HSD11B1: variants seen among roughly 807,000 people sequenced by gnomAD.
HSD11B1 encodes 11-beta-hydroxysteroid dehydrogenase 1.
HSD11B1 carries 15 observed loss-of-function variants against 22.1 expected under a neutral mutation model. That is an observed-to-expected ratio of 0.68 (90% CI 0.45 to 1.04). The LOEUF is 1.04. HSD11B1 is among the 50% of genes least tolerant of loss of function. The probability of loss-of-function intolerance (pLI) is 0.00; values close to 1 mark genes in which losing one functional copy is unlikely to be tolerated. For synonymous variants in HSD11B1, 122 were observed against 125.2 expected, an observed-to-expected ratio of 0.97 and a Z score of 0.17; for missense variants, 281 against 357.6, an observed-to-expected ratio of 0.79 and a Z score of 1.73.
At chr1:209,726,042 CCAA>C (rs2076998822) in intron 4 of HSD11B1, among the ~76,000 whole-genome samples, 1 of 151,814 alleles carries the variant, frequency 6.6e-6, no homozygotes, top group Non-Finnish European at 1.5e-5. Context: ...ATTTTTTTCA[CCAA>C]TTAAAAGCAG....
In HSD11B1 at chr1:209,706,650, A is replaced by T; in HGVS notation, c.220-59A>T. On this transcript the variant is annotated intron_variant, in intron 2 of 5. Transcript: ENST00000367027. The surrounding 1 kb of genome is among the most constrained non-coding windows in gnomAD (Gnocchi z 4.0). ...TCATTTAAGCCCCCCGTTACTTCAG[A>T]GACTACCCCCCAAAAATCTGCAGCT... 1 of 1,134,848 alleles carries T rather than the reference A, an allele frequency of 8.8e-7. No homozygotes were observed. Among genetic ancestry groups the T allele is most frequent in the Non-Finnish European group, 1.3e-6 (1 of 744,856 alleles). The allele number at this position is 1,134,848 out of a possible 1,614,324, so 70.3% of individuals were successfully genotyped here. A position where few individuals can be genotyped will look rare whatever the true frequency, so the allele number is the denominator to read the frequency against.
intron 4 of HSD11B1, among the ~76,000 whole-genome samples, chr1:209,727,301 T>C (rs550049981): frequency 6.6e-6 from 1 of 152,308 alleles, no homozygotes; most frequent in South Asian, 2.1e-4. Context: ...TAACTTGGTT[T>C]TGGACTTCTG....
At chr1:209,700,749 G>T (rs188057258), upstream of HSD11B1, among the ~76,000 whole-genome samples, 3 of 152,244 alleles carry the variant, frequency 2.0e-5, no homozygotes, top group East Asian at 5.8e-4. Flanking sequence ...GCTTTTAACA[G>T]AACCCAAGTC....
chr1:209,690,612 G>C lies in HSD11B1; in HGVS notation c.-49+4327G>C, dbSNP rs183497249. Among the ~76,000 whole-genome samples, 428 of 152,156 alleles carry C rather than the reference G, an allele frequency of 2.8e-3. 3 individuals carry two copies. The highest frequency in any genetic ancestry group is 9.9e-3 in the African/African-American group (411 of 41,514). On this transcript the variant is annotated intron_variant, in intron 1 of 6. Transcript: ENST00000261465. ...CTCAGGAGGCTGAGGCAGGAGAACC[G>C]CTTGAACCCGGAAGGCAGAGGTTGC...
chr1:209,697,884 C>CTTTTTTTTTTTTGTTT (rs2076800748), intron 1 of HSD11B1, among the ~76,000 whole-genome samples: 1 of 41,586 alleles, frequency 2.4e-5, no homozygotes, highest in African/African-American at 8.0e-5. Context: ...TTGTTTTTTC[C>CTTTTTTTTTTTTGTTT]TTTTTTTTTT....
At chr1:209,698,451 G>A (rs1009269011) in intron 1 of HSD11B1, among the ~76,000 whole-genome samples, 1 of 152,186 alleles carries the variant, frequency 6.6e-6, no homozygotes, top group African/African-American at 2.4e-5. Context: ...TCACCCTAGC[G>A]TGCTTCCTGA....
chr1:209,694,022 C>T (rs933732675), intron 1 of HSD11B1, among the ~76,000 whole-genome samples: 13 of 152,118 alleles, frequency 8.5e-5, no homozygotes, highest in African/African-American at 3.1e-4. Flanking sequence ...CCCAGCTCAC[C>T]GTTGTTCTCC....
intron 4 of HSD11B1, among the ~76,000 whole-genome samples, chr1:209,716,343 AAC>A (rs200804636): frequency 4.1e-5 from 6 of 146,516 alleles, no homozygotes; most frequent in African/African-American, 1.2e-4. Flanking sequence ...GAAAAAAAAA[AAC>A]CACCTAGGAA....
rs150163520 is a variant in HSD11B1 at position 209,705,248 on chromosome 1, G to A, written c.88+218G>A. ...GTGTAGCCAAAATCTAGCCAAATAG[G>A]CCATGCTTTATTTGGCACCCTTAAT... On this transcript the variant is annotated intron_variant, in intron 1 of 5. Coordinates refer to ENST00000367027, the MANE Select transcript of HSD11B1 (RefSeq NM_005525.4). Among the ~76,000 whole-genome samples the A allele has an allele frequency of 3.8e-3, 578 of 152,014 alleles. 2 individuals carry two copies. Among genetic ancestry groups the A allele is most frequent in the African/African-American group, 0.013 (519 of 41,440 alleles).
chr1:209,688,035 G>A (rs1393471397), intron 1 of HSD11B1, among the ~76,000 whole-genome samples: 2 of 152,134 alleles, frequency 1.3e-5, no homozygotes, highest in African/African-American at 4.8e-5. Flanking sequence ...AATGCACAGA[G>A]GGAATAAGAT....
chr1:209,689,672 T>C (rs1381579494), intron 1 of HSD11B1, among the ~76,000 whole-genome samples: 1 of 152,198 alleles, frequency 6.6e-6, no homozygotes, highest in Non-Finnish European at 1.5e-5. Context: ...ACCCCTCTCT[T>C]GCCATGTGAT....
chr1:209,726,791 G>A (rs757277854), intron 4 of HSD11B1, among the ~76,000 whole-genome samples: 2 of 152,120 alleles, frequency 1.3e-5, no homozygotes, highest in Non-Finnish European at 2.9e-5. Context: ...GCATAACTAA[G>A]GATAGGCAAT....
At chr1:209,710,960 G>T (rs1292833887) in intron 4 of HSD11B1, among the ~76,000 whole-genome samples, 1 of 152,098 alleles carries the variant, frequency 6.6e-6, no homozygotes, top group African/African-American at 2.4e-5. Flanking sequence ...GTTTTTTAAT[G>T]TACGTGTGCA....
Position 209,734,365 on chromosome 1 carries a change from T to A in HSD11B1, c.723T>A (p.Cys241Ter). Residue 241 changes from cysteine to a stop codon, truncating the protein, a stop_gained, in exon 6 of 6, where the codon TGT becomes TGA. Coordinates refer to ENST00000367027, the MANE Select transcript of HSD11B1 (RefSeq NM_005525.4). LOFTEE classifies it low-confidence loss of function (END_TRUNC). ...VHMQAAPKEE[C>*]ALEIIKGGAL... The stretch of plus-strand genomic sequence containing the variant: ...TGCAAGCAGCTCCAAAGGAGGAATG[T>A]GCCCTGGAGATCATCAAAGGGGGAG... 1 of 1,614,182 alleles carries A rather than the reference T, an allele frequency of 6.2e-7. No individual in the cohort carries two copies. Among genetic ancestry groups the A allele is most frequent in the Non-Finnish European group, 8.5e-7 (1 of 1,180,010 alleles).
intron 4 of HSD11B1, 66 bp downstream of exon 4, chr1:209,707,194 C>A: frequency 7.6e-7 from 1 of 1,308,560 alleles, no homozygotes; most frequent in Non-Finnish European, 1.1e-6. Flanking sequence ...TGATGCCAGG[C>A]TCTGAAGTAG....
At chr1:209,699,379 T>C (rs1480174691) in intron 1 of HSD11B1, among the ~76,000 whole-genome samples, 1 of 152,158 alleles carries the variant, frequency 6.6e-6, no homozygotes, top group African/African-American at 2.4e-5. Flanking sequence ...ATCATGGTGG[T>C]AGCCACAAGG....
intron 5 of HSD11B1, 51 bp downstream of exon 5, chr1:209,732,630 G>A (rs1001198745): frequency 6.8e-7 from 1 of 1,476,700 alleles, no homozygotes; most frequent in African/African-American, 1.4e-5. Context: ...TTAAGTTCTA[G>A]GGTACATGTG....
intron 4 of HSD11B1, among the ~76,000 whole-genome samples, chr1:209,730,420 C>T (rs935501394): frequency 6.6e-6 from 1 of 152,154 alleles, no homozygotes; most frequent in African/African-American, 2.4e-5. Context: ...AAGTTGCATG[C>T]CACCTGAATC....
rs1046220212 is a variant in HSD11B1 at position 209,734,712 on chromosome 1, G to A, written c.*191G>A. The A allele has an allele frequency of 3.5e-6, 2 of 574,144 alleles. No individual in the cohort carries two copies. Among genetic ancestry groups the A allele is most frequent in the Admixed American group, 2.7e-5 (1 of 36,596 alleles). The allele number at this position is 574,144 out of a possible 1,614,324, so 35.6% of individuals were successfully genotyped here. A position where few individuals can be genotyped will look rare whatever the true frequency, so the allele number is the denominator to read the frequency against. On this transcript the variant is annotated 3_prime_UTR_variant, in exon 6 of 6. Transcript: ENST00000367027. ...GAAATGTAATAATAATGAATGTCAT[G>A]CACCGCTGCAGCCAGCAGTTGTAAA...
Sources: gnomAD v4.1 joint callset for allele counts (sites outside exome capture counted in the v4.1 genomes callset) on GRCh38, gnomAD v4.1.1 for gene constraint, Gnocchi (gnomAD v3.1) non-coding constraint, MANE v1.5 for transcripts, NCBI Gene and HGNC (gene_info 2026-07-23, HGNC 2026-07-21) for gene names.